Variants in PPP2R3B observed in about 807,000 individuals in gnomAD.
PPP2R3B encodes protein phosphatase 2 regulatory subunit B''beta.
A neutral mutation model predicts 72.9 loss-of-function variants in PPP2R3B; 68 were observed. That is an observed-to-expected ratio of 0.93 (90% CI 0.77 to 1.14). The LOEUF is 1.14. Ranked by LOEUF, PPP2R3B falls within the 50% of genes most tolerant of loss-of-function variation. The pLI is 0.00. For missense variants in PPP2R3B, 1,018 were observed against 842.0 expected (o/e 1.21, Z -2.59); for synonymous variants, 466 against 375.8 (o/e 1.24, Z -2.78).
chrX:371,069 C>T lies in PPP2R3B; in HGVS notation c.325-9479G>A, dbSNP rs1279261008. Among the ~76,000 whole-genome samples, 5 of 151,954 alleles carry T rather than the reference C, an allele frequency of 3.3e-5. 1 individual carries two copies. Among genetic ancestry groups the T allele is most frequent in the African/African-American group, 1.2e-4 (5 of 41,370 alleles). ...GGGCCAGGCTAGGCAGCACAGCTGT[C>T]CTGGGCTGGGAACAAGGTCTGAGCT... On this transcript the variant is annotated intron_variant, in intron 1 of 12. Transcript: ENST00000390665.
At position 345,538 on chromosome X, in the gene PPP2R3B, G is replaced by C. The variant is rs755541552; in HGVS notation, c.1014C>G (p.Asp338Glu). ...CACCGTGGTCATTGTGCCGCGCCAG[G>C]TCGTCCGCGTCGATGAGCAGGTCGT... ...TDHDLLIDADDLARHNDHALS... is the reference protein window; with the variant it reads ...TDHDLLIDADELARHNDHALS... Residue 338 changes from aspartate (D) to glutamate (E), a missense_variant, in exon 7 of 13, where the codon GAC (aspartate) becomes GAG (glutamate). Physicochemically the swap from Asp to Glu is conservative, Grantham distance 45. Transcript: ENST00000390665. 10 of 1,613,070 alleles carry C rather than the reference G, an allele frequency of 6.2e-6. No homozygotes were observed. Among genetic ancestry groups the C allele is most frequent in the Non-Finnish European group, 7.6e-6 (9 of 1,179,532 alleles).
intron 2 of PPP2R3B, among the ~76,000 whole-genome samples, chrX:361,081 G>T (rs1569400988): frequency 1.3e-5 from 2 of 152,172 alleles, no homozygotes; most frequent in South Asian, 2.1e-4. Flanking sequence ...GGCGCCACTG[G>T]CCCCGGAGGG....
rs1222461632 is a variant in PPP2R3B at position 368,594 on chromosome X, G to A, written c.325-7004C>T. ...GCCGGGACCACCCACCCCGGGCACC[G>A]ACCGGGGGAAGGCCGGGACCACCCA... On this transcript the variant is annotated intron_variant, in intron 1 of 12. Coordinates refer to ENST00000390665, the MANE Select transcript of PPP2R3B (RefSeq NM_013239.5). Among the ~76,000 whole-genome samples the A allele has an allele frequency of 2.0e-5, 2 of 100,260 alleles. 1 individual carries two copies. Among genetic ancestry groups the A allele is most frequent in the African/African-American group, 8.6e-5 (2 of 23,172 alleles). The allele number at this position is 100,260 out of a possible 152,430, so 65.8% of individuals were successfully genotyped here. A position where few individuals can be genotyped will look rare whatever the true frequency, so the allele number is the denominator to read the frequency against.
intron 2 of PPP2R3B, among the ~76,000 whole-genome samples, chrX:351,239 G>A (rs1434233593): frequency 6.6e-6 from 1 of 152,274 alleles, no homozygotes; most frequent in African/African-American, 2.4e-5. Flanking sequence ...CCGGTGCGGT[G>A]GGAGGGAACG....
chrX:351,954 C>CA (rs1032395354), intron 2 of PPP2R3B, among the ~76,000 whole-genome samples: 31 of 152,308 alleles, frequency 2.0e-4, no homozygotes, highest in African/African-American at 6.7e-4. Flanking sequence ...CTTGGCCTCT[C>CA]AAAGTGCTGG....
At position 376,383 on chromosome X, in the gene PPP2R3B, G is replaced by T. The variant is rs767774265; in HGVS notation, c.324+9985C>A. Among the ~76,000 whole-genome samples, 4 of 152,310 alleles carry T rather than the reference G, an allele frequency of 2.6e-5. No homozygotes were observed. The East Asian group carries it at 7.7e-4, about 29-fold the overall frequency. On this transcript the variant is annotated intron_variant, in intron 1 of 12. Coordinates refer to ENST00000390665, the MANE Select transcript of PPP2R3B (RefSeq NM_013239.5). ...ACCACCCGCCCCCAGTGCAGCCACA[G>T]GGCTGTCTACACCGGATGGGGGAGG...
intron 2 of PPP2R3B, among the ~76,000 whole-genome samples, chrX:356,204 A>AC (rs1569397196): frequency 6.6e-6 from 1 of 152,116 alleles, no homozygotes; most frequent in African/African-American, 2.4e-5. Context: ...CCCCGGAAGC[A>AC]GGGTTTTTTG....
chrX:359,747 T>G (rs2071504011), intron 2 of PPP2R3B: 1 of 442,838 alleles, frequency 2.3e-6, no homozygotes, highest in East Asian at 6.4e-5. Flanking sequence ...AAGAAGTATG[T>G]ATGTTCATAC....
At chrX:374,313 A>T (rs1470741559) in intron 1 of PPP2R3B, among the ~76,000 whole-genome samples, 1 of 152,136 alleles carries the variant, frequency 6.6e-6, no homozygotes, top group Non-Finnish European at 1.5e-5. Flanking sequence ...CGCCAGGTGC[A>T]GCTGCGCCTC....
chrX:339,009 G>C (rs964711115), intron 10 of PPP2R3B, 113 bp from the exon 11 acceptor site: 1 of 853,044 alleles, frequency 1.2e-6, no homozygotes, highest in Non-Finnish European at 2.0e-6. Flanking sequence ...ACGAAGCTCC[G>C]GGCTCTCACG....
intron 2 of PPP2R3B, among the ~76,000 whole-genome samples, chrX:349,326 T>C (rs1443603805): frequency 6.6e-6 from 1 of 151,280 alleles, no homozygotes; most frequent in Non-Finnish European, 1.5e-5. Context: ...TGCAGACCTG[T>C]GAACAGTAAA....
chrX:345,773 C>A, intron 6 of PPP2R3B, 101 bp from the exon 7 acceptor site: 1 of 677,616 alleles, frequency 1.5e-6, no homozygotes, highest in Admixed American at 2.5e-5. Flanking sequence ...GGGTCGGGGC[C>A]GCTCCGTGGG....
chrX:354,260 AAACACCAGGGGCTCACC>A (rs2071397623), intron 2 of PPP2R3B, among the ~76,000 whole-genome samples: 1 of 150,842 alleles, frequency 6.6e-6, no homozygotes. Context: ...GGGCTCACCC[AAACACCAGGGGCTCACC>A]CAAACACCGG....
At position 341,264 on chromosome X, in the gene PPP2R3B, G is replaced by A. The variant is rs191849899; in HGVS notation, c.1175+43C>T. ...GACACATGTCACATGGGCGGCTCCC[G>A]GCCCCTCCACTGGGACAAACGCATG... is the stretch of plus-strand genomic sequence containing the variant. On this transcript the variant is annotated intron_variant, in intron 9 of 12. Coordinates refer to ENST00000390665, the MANE Select transcript of PPP2R3B (RefSeq NM_013239.5). The A allele has an allele frequency of 4.7e-3, 7,505 of 1,601,330 alleles. 22 individuals carry two copies. The highest frequency in any genetic ancestry group is 5.7e-3 in the Non-Finnish European group (6,626 of 1,172,132).
chrX:340,623 C>G, intron 10 of PPP2R3B, 142 bp downstream of exon 10: 2 of 583,512 alleles, frequency 3.4e-6, no homozygotes, highest in Admixed American at 6.0e-5. Flanking sequence ...GGGCCGTCCT[C>G]CCTCCCGTCC....
chrX:384,579 T>C (rs1400105376), intron 1 of PPP2R3B, among the ~76,000 whole-genome samples: 1 of 151,764 alleles, frequency 6.6e-6, no homozygotes, highest in Non-Finnish European at 1.5e-5. Context: ...CAGGCGTGAG[T>C]CACCATGCCT....
Position 346,777 on chromosome X carries a change from T to C in PPP2R3B, c.718-2A>G. ...CCCCGGGTGCGTGTTCACCACGTCCTGCGGGTGGGAAGACACGAGGCGCGT... is the reference window on the plus strand; with the variant it reads ...CCCCGGGTGCGTGTTCACCACGTCCCGCGGGTGGGAAGACACGAGGCGCGT... On this transcript the variant is annotated splice_acceptor_variant, in intron 4 of 12. Coordinates refer to ENST00000390665, the MANE Select transcript of PPP2R3B (RefSeq NM_013239.5). LOFTEE classifies it high-confidence loss of function. 1 of 1,608,846 alleles carries C rather than the reference T, an allele frequency of 6.2e-7. No individual in the cohort carries two copies. The highest frequency in any genetic ancestry group is 8.5e-7 in the Non-Finnish European group (1 of 1,177,844).
At chrX:363,765 C>A (rs547040741) in intron 1 of PPP2R3B, among the ~76,000 whole-genome samples, 21 of 150,550 alleles carry the variant, frequency 1.4e-4, no homozygotes, top group African/African-American at 5.2e-4. Flanking sequence ...CTGTGGGGGT[C>A]CCACTGTGGA....
chrX:346,513 G>A (rs2124633281), intron 5 of PPP2R3B, 188 bp downstream of exon 5: 4 of 654,522 alleles, frequency 6.1e-6, no homozygotes, highest in South Asian at 3.9e-5. Flanking sequence ...CGGCCACCCC[G>A]GAAAACCAGA....
Sources: gnomAD v4.1 joint callset for allele counts (sites outside exome capture counted in the v4.1 genomes callset) on GRCh38, gnomAD v4.1.1 for gene constraint, MANE v1.5 for transcripts, NCBI Gene and HGNC (gene_info 2026-07-23, HGNC 2026-07-21) for gene names.